The following MAOB variants were observed in gnomAD, a reference collection of about 807,000 sequenced individuals.
MAOB encodes monoamine oxidase B, also known as amine oxidase [flavin-containing] B.
A neutral mutation model predicts 41.9 loss-of-function variants in MAOB; 15 were observed. The observed-to-expected ratio is 0.36, with a 90% CI of 0.24 to 0.55. MAOB has a LOEUF of 0.55. Ranked by LOEUF, MAOB falls within the 20% of genes least tolerant of loss-of-function variation. The probability of loss-of-function intolerance (pLI) is 0.86; values close to 1 mark genes in which losing one functional copy is unlikely to be tolerated. For missense variants in MAOB, 345 were observed against 398.7 expected (o/e 0.87, Z 1.15); for synonymous variants, 167 against 144.2 (o/e 1.16, Z -1.13).
intron 3 of MAOB, among the ~76,000 whole-genome samples, chrX:43,837,685 T>G (rs755791080): frequency 8.9e-6 from 1 of 112,593 alleles, no homozygotes; most frequent in African/African-American, 3.2e-5. Flanking sequence ...AATTGTTATA[T>G]AAATCAAAAT....
chrX:43,876,116 C>T (rs932442782), intron 1 of MAOB, among the ~76,000 whole-genome samples: 4 of 110,724 alleles, frequency 3.6e-5, no homozygotes, highest in African/African-American at 6.6e-5. Context: ...TGCGCCACCA[C>T]GCCTGGCTAA....
Position 43,809,943 on chromosome X carries a change from G to A in MAOB, c.280-6539C>T, listed in dbSNP as rs752918753. On this transcript the variant is annotated intron_variant, in intron 3 of 14. Transcript: ENST00000378069. Reference sequence around the variant, plus strand: ...ACTAGATTGGGATCTCATAGCTCATGAGTGAAAGCTATTGGAAGGGCCGGG... The same window carrying A: ...ACTAGATTGGGATCTCATAGCTCATAAGTGAAAGCTATTGGAAGGGCCGGG... Among the ~76,000 whole-genome samples, 57 of 111,224 alleles carry A rather than the reference G, an allele frequency of 5.1e-4. 1 individual carries two copies. The highest frequency in any genetic ancestry group is 1.8e-3 in the African/African-American group (56 of 30,427).
chrX:43,794,994 T>C (rs1053419190), intron 7 of MAOB, among the ~76,000 whole-genome samples: 3 of 110,367 alleles, frequency 2.7e-5, no homozygotes, highest in Admixed American at 9.6e-5. Flanking sequence ...GAGTGGTTTT[T>C]CCCCACATAT....
At chrX:43,772,067 A>C (rs1363693046) in intron 12 of MAOB, among the ~76,000 whole-genome samples, 1 of 111,925 alleles carries the variant, frequency 8.9e-6, no homozygotes, top group Admixed American at 9.5e-5. Flanking sequence ...ACCAAGTTGT[A>C]CTGGTAATTC....
chrX:43,873,928 G>A (rs1463296580), intron 1 of MAOB, among the ~76,000 whole-genome samples: 1 of 111,594 alleles, frequency 9.0e-6, no homozygotes, highest in Non-Finnish European at 1.9e-5. Flanking sequence ...GCCCGCCTCG[G>A]CTTCCCAAAG....
At chrX:43,795,658 G>A in intron 7 of MAOB, 81 bp downstream of exon 7, 2 of 872,545 alleles carry the variant, frequency 2.3e-6, no homozygotes, top group Non-Finnish European at 3.3e-6. Context: ...ACATCACTCT[G>A]GAGATTCTAA....
At chrX:43,856,041 CAAAA>C (rs912651975) in intron 1 of MAOB, among the ~76,000 whole-genome samples, 8 of 111,057 alleles carry the variant, frequency 7.2e-5, no homozygotes, top group Non-Finnish European at 1.5e-4. Flanking sequence ...AAATATAAAA[CAAAA>C]AAAACCCCAA....
At chrX:43,856,998 C>T (rs1328423724) in intron 1 of MAOB, among the ~76,000 whole-genome samples, 1 of 96,632 alleles carries the variant, frequency 1.0e-5, no homozygotes, top group Non-Finnish European at 2.0e-5. Flanking sequence ...GGATCCAGGG[C>T]CTTTCTACAC....
intron 5 of MAOB, among the ~76,000 whole-genome samples, chrX:43,799,737 C>G (rs996140320): frequency 4.5e-5 from 5 of 110,907 alleles, no homozygotes; most frequent in African/African-American, 1.6e-4. Context: ...TAATATTTTT[C>G]TACATGAAAA....
At chrX:43,851,431 T>A (rs1426021287) in intron 1 of MAOB, among the ~76,000 whole-genome samples, 1 of 111,638 alleles carries the variant, frequency 9.0e-6, no homozygotes, top group Non-Finnish European at 1.9e-5. Flanking sequence ...ATAATCACAT[T>A]GAGGTAAATG....
At chrX:43,845,035 A>G (rs5952330) in intron 1 of MAOB, among the ~76,000 whole-genome samples, 6,536 of 112,235 alleles carry the variant, frequency 0.058, 372 homozygotes, top group South Asian at 0.18. Context: ...AGTTCAATAC[A>G]TTTTGACAAA....
At chrX:43,778,867 T>A in intron 10 of MAOB, 128 bp from the exon 11 acceptor site, 2 of 496,111 alleles carry the variant, frequency 4.0e-6, no homozygotes, top group South Asian at 3.5e-5. Flanking sequence ...AGCATTTCAT[T>A]TTAATTTTTT....
intron 3 of MAOB, among the ~76,000 whole-genome samples, chrX:43,806,505 A>G (rs1039317905): frequency 9.0e-6 from 1 of 111,546 alleles, no homozygotes; most frequent in East Asian, 2.8e-4. Flanking sequence ...AGGGCACTTG[A>G]TATCAATATG....
chrX:43,816,189 ACTGGCTCTCCTTGGG>A (rs2034812108), intron 3 of MAOB, among the ~76,000 whole-genome samples: 1 of 111,997 alleles, frequency 8.9e-6, no homozygotes, highest in African/African-American at 3.2e-5. Context: ...AAGTCAGGAT[ACTGGCTCTCCTTGGG>A]GATGTGTAAT....
At position 43,838,053 on chromosome X, in the gene MAOB, T is replaced by C; in HGVS notation, c.279+815A>G. On this transcript the variant is annotated intron_variant, in intron 3 of 14. Transcript: ENST00000378069. ...GGGATGCTTTGATCTAAGAGGTTAT[T>C]AGAATGAATGTCCAACATTCAGTTC... 3 of 319,921 alleles carry C rather than the reference T, an allele frequency of 9.4e-6. No homozygotes were observed. In the Admixed American group the frequency reaches 9.5e-5, roughly 10 times the overall value. 26.4% of individuals were successfully genotyped at this position (319,921 alleles called of 1,213,427 possible).
chrX:43,769,209 T>C, intron 13 of MAOB, 98 bp downstream of exon 13: 1 of 1,041,369 alleles, frequency 9.6e-7, no homozygotes, highest in Non-Finnish European at 1.2e-6. Flanking sequence ...AGATGGGGGT[T>C]ACTGGAGAGT....
At chrX:43,873,065 G>T (rs182529644) in intron 1 of MAOB, among the ~76,000 whole-genome samples, 175 of 111,922 alleles carry the variant, frequency 1.6e-3, no homozygotes, top group Non-Finnish European at 2.5e-3. Flanking sequence ...AAGTAATTTT[G>T]GTTATTAACT....
chrX:43,784,950 C>A (rs1029836801), intron 8 of MAOB, among the ~76,000 whole-genome samples: 1 of 112,087 alleles, frequency 8.9e-6, no homozygotes, highest in Non-Finnish European at 1.9e-5. Context: ...GAGTTCAAGA[C>A]CAGCCTGGCC....
chrX:43,820,501 A>G (rs1039940757), intron 3 of MAOB, among the ~76,000 whole-genome samples: 1 of 112,410 alleles, frequency 8.9e-6, no homozygotes, highest in Non-Finnish European at 1.9e-5. Context: ...AACCAAATAC[A>G]ATAGCATTTA....
Sources: allele counts gnomAD v4.1 joint callset (sites outside exome capture counted in the v4.1 genomes callset), GRCh38; gene constraint gnomAD v4.1.1; transcripts MANE v1.5; gene names NCBI Gene and HGNC (gene_info 2026-07-23, HGNC 2026-07-21).